ABCC4: variants seen among roughly 807,000 people sequenced by gnomAD.
ABCC4 encodes the protein ATP binding cassette subfamily C member 4 (PEL blood group).
A neutral mutation model predicts 168.5 loss-of-function variants in ABCC4; 102 were observed. The ratio of observed to expected loss-of-function variants is 0.61; its 90% CI spans 0.52 to 0.71. The LOEUF is 0.71. Among genes scored for constraint, ABCC4 ranks in the 30% least tolerant of loss-of-function variants. The pLI, the probability that ABCC4 is intolerant of heterozygous loss-of-function variation, is 0.00. For synonymous variants in ABCC4, 617 were observed against 590.7 expected (o/e 1.04, Z -0.65); for missense variants, 1,402 against 1,605.8 (o/e 0.87, Z 2.17).
intron 11 of ABCC4, among the ~76,000 whole-genome samples, chr13:95,182,836 T>C (rs2037940238): frequency 6.6e-6 from 1 of 152,192 alleles, no homozygotes; most frequent in Non-Finnish European, 1.5e-5. Flanking sequence ...TATCTAACAT[T>C]AGTATGTTGT....
intron 11 of ABCC4, among the ~76,000 whole-genome samples, chr13:95,186,049 C>T (rs999442237): frequency 1.2e-4 from 18 of 151,896 alleles, no homozygotes; most frequent in African/African-American, 4.4e-4. Context: ...CAGCCAAGTG[C>T]ACGGTGCAGA....
At chr13:95,121,270 G>A (rs911988812) in intron 19 of ABCC4, among the ~76,000 whole-genome samples, 4 of 152,166 alleles carry the variant, frequency 2.6e-5, no homozygotes, top group Non-Finnish European at 5.9e-5. Context: ...CAAAGATCAT[G>A]AGGATCAAAG....
At chr13:95,060,506 A>G (rs541438509) in intron 26 of ABCC4, among the ~76,000 whole-genome samples, 2 of 152,328 alleles carry the variant, frequency 1.3e-5, no homozygotes, top group South Asian at 4.1e-4. Flanking sequence ...AGGATATAAA[A>G]GCACTTTACA....
intron 20 of ABCC4, among the ~76,000 whole-genome samples, chr13:95,102,551 T>C (rs1254787594): frequency 6.6e-6 from 1 of 152,100 alleles, no homozygotes; most frequent in African/African-American, 2.4e-5. Context: ...CCCAAAGTTC[T>C]GGGATTACAG....
chr13:95,284,847 C>G (rs751613779), intron 1 of ABCC4, among the ~76,000 whole-genome samples: 18 of 152,154 alleles, frequency 1.2e-4, no homozygotes, highest in Non-Finnish European at 2.2e-4. Context: ...TAATAGTACC[C>G]ACCCCAAAGG....
In ABCC4 at chr13:95,170,582, G is replaced by A. The variant is rs1269173319; in HGVS notation, c.1774C>T (p.His592Tyr). 1.2e-6 allele frequency: 2 copies of A among 1,612,334 alleles called. No individual in the cohort carries two copies. Among genetic ancestry groups the A allele is most frequent in the Middle Eastern group, 1.6e-4 (1 of 6,062 alleles). ...GCAGCTTTGAGGTACTGCAACTGATGAGTCACTAAAATTGTGATCTTCTCA... is the reference window on the plus strand; with the variant it reads ...GCAGCTTTGAGGTACTGCAACTGATAAGTCACTAAAATTGTGATCTTCTCA... ...LHEKITILVT[H>Y]QLQYLKAASQ... is the part of the protein sequence containing the mutation. Residue 592 changes from histidine to tyrosine, a missense_variant, in exon 14 of 31, where the codon CAT becomes TAT. By Grantham distance (83) the His-to-Tyr change is moderately conservative. Around this residue, in one of 3 missense-constraint regions of ABCC4, gnomAD observed 1,007 missense variants for 1,127.3 expected, o/e 0.89. Coordinates refer to ENST00000645237, the MANE Select transcript of ABCC4 (RefSeq NM_005845.5).
intron 8 of ABCC4, among the ~76,000 whole-genome samples, chr13:95,196,732 G>C (rs1407792057): frequency 1.2e-5 from 1 of 81,252 alleles, no homozygotes; most frequent in Non-Finnish European, 3.3e-5. Flanking sequence ...AAGGAAGGAA[G>C]AAGGGAGGGA....
Position 95,161,280 on chromosome 13 carries a change from G to C in ABCC4, c.2364C>G (p.Tyr788Ter), listed in dbSNP as rs11568709. 6.2e-7 allele frequency: 1 copy of C among 1,608,872 alleles called. No individual in the cohort carries two copies. The highest frequency in any genetic ancestry group is 1.3e-5 in the African/African-American group (1 of 74,802). The change falls in exon 19 of 31, where the codon TAC becomes TAG. Residue 788 changes from tyrosine (Y) to a stop codon, truncating the protein, a stop_gained. Coordinates refer to ENST00000645237, the MANE Select transcript of ABCC4 (RefSeq NM_005845.5). LOFTEE classifies it high-confidence loss of function. The part of the protein sequence containing the change: ...FGIARSLLVF[Y>*]VLVNSSQTLH... ...AAGTTTGTGAAGAGTTAACAAGGAC[G>C]TAGAATACCAATAGAGATCTTGCTA...
chr13:95,153,406 G>T (rs915975586), intron 19 of ABCC4, among the ~76,000 whole-genome samples: 2 of 152,154 alleles, frequency 1.3e-5, no homozygotes, highest in African/African-American at 4.8e-5. Flanking sequence ...AGTTAATGGG[G>T]GGGCGTTAAA....
intron 17 of ABCC4, among the ~76,000 whole-genome samples, 161 bp downstream of exon 17, chr13:95,163,449 G>A (rs1029087123): frequency 1.3e-5 from 2 of 152,126 alleles, no homozygotes; most frequent in Non-Finnish European, 2.9e-5. Context: ...GGAGACCACC[G>A]CAGTTTACAC....
At chr13:95,189,380 C>T (rs1175345308) in intron 9 of ABCC4, among the ~76,000 whole-genome samples, 2 of 152,050 alleles carry the variant, frequency 1.3e-5, no homozygotes, top group African/African-American at 4.8e-5. Flanking sequence ...CTCGGCCTCC[C>T]AAAGTGCTGG....
At chr13:95,055,719 C>T (rs982687810) in intron 26 of ABCC4, 1 of 152,040 alleles carries the variant, frequency 6.6e-6, no homozygotes, top group Non-Finnish European at 1.5e-5. Context: ...CCCATCTCTA[C>T]TAAAAATACA....
chr13:95,113,800 ATT>A (rs1304927616), intron 20 of ABCC4, among the ~76,000 whole-genome samples: 2 of 152,200 alleles, frequency 1.3e-5, no homozygotes, highest in Non-Finnish European at 2.9e-5. Flanking sequence ...CAGTTACTGC[ATT>A]GTTTACCACG....
At chr13:95,031,994 G>A (rs2031898109) in intron 30 of ABCC4, among the ~76,000 whole-genome samples, 1 of 152,174 alleles carries the variant, frequency 6.6e-6, no homozygotes, top group African/African-American at 2.4e-5. Context: ...TGAGGTTCCT[G>A]GCTCTTTTGT....
chr13:95,144,124 A>AT (rs1280772206), intron 19 of ABCC4, among the ~76,000 whole-genome samples: 1 of 152,176 alleles, frequency 6.6e-6, no homozygotes, highest in Non-Finnish European at 1.5e-5. Flanking sequence ...TTTGTGATGG[A>AT]TTTTTCCAGG....
chr13:95,134,029 T>C (rs990638467), intron 19 of ABCC4, among the ~76,000 whole-genome samples: 7 of 152,080 alleles, frequency 4.6e-5, no homozygotes, highest in Non-Finnish European at 8.8e-5. Flanking sequence ...AACACAATGA[T>C]ATTCACTAAA....
chr13:95,148,151 T>C (rs2036558481), intron 19 of ABCC4, among the ~76,000 whole-genome samples: 1 of 152,170 alleles, frequency 6.6e-6, no homozygotes, highest in Non-Finnish European at 1.5e-5. Context: ...TCTCAATTAG[T>C]CAAAAAAATC....
In ABCC4 at chr13:95,247,642, C is replaced by A. The variant is rs780917947; in HGVS notation, c.185+1G>T. 1 of 1,611,820 alleles carries A rather than the reference C, an allele frequency of 6.2e-7. No individual in the cohort carries two copies. Among genetic ancestry groups the A allele is most frequent in the South Asian group, 1.1e-5 (1 of 90,960 alleles). ...TGCCCACTTTACTGCCTCCGACTTACCCTTGCAACTCCTCTCCAAGGTGCT... is the reference window on the plus strand; with the variant it reads ...TGCCCACTTTACTGCCTCCGACTTAACCTTGCAACTCCTCTCCAAGGTGCT... On this transcript the variant is annotated splice_donor_variant, in intron 2 of 30. Coordinates refer to ENST00000645237, the MANE Select transcript of ABCC4 (RefSeq NM_005845.5). LOFTEE classifies it high-confidence loss of function.
chr13:95,060,326 TA>T lies in ABCC4; in HGVS notation c.3366+2377del, dbSNP rs1296420787. Reference sequence around the variant, plus strand: ...GAACCAAAACCTGGTGATGTCAAGGTATATTTAGTCTTTGCTCAGATGTGCT... The same window carrying T: ...GAACCAAAACCTGGTGATGTCAAGGTTATTTAGTCTTTGCTCAGATGTGCT... On this transcript the variant is annotated intron_variant, in intron 26 of 30. Coordinates refer to ENST00000645237, the MANE Select transcript of ABCC4 (RefSeq NM_005845.5). Among the ~76,000 whole-genome samples, 13 of 152,356 alleles carry T rather than the reference TA, an allele frequency of 8.5e-5. No homozygotes were observed. In the South Asian group the frequency reaches 2.7e-3, roughly 32 times the overall value.
Sources: allele counts gnomAD v4.1 joint callset (sites outside exome capture counted in the v4.1 genomes callset), GRCh38; gene constraint gnomAD v4.1.1; regional missense constraint gnomAD v4.1.1; transcripts MANE v1.5; gene names NCBI Gene and HGNC (gene_info 2026-07-23, HGNC 2026-07-21).